FABP7: variants seen among roughly 807,000 people sequenced by gnomAD.
The protein encoded by FABP7 is fatty acid binding protein 7.
FABP7 carries 13 observed loss-of-function variants against 14.2 expected under a neutral mutation model. The ratio of observed to expected loss-of-function variants is 0.91; its 90% CI spans 0.59 to 1.45. FABP7 has a LOEUF of 1.45. Ranked by LOEUF, FABP7 falls within the 40% of genes most tolerant of loss-of-function variation. FABP7 has a pLI of 0.00. For missense variants in FABP7, 149 were observed against 157.6 expected, an observed-to-expected ratio of 0.95 and a Z score of 0.29; for synonymous variants, 49 against 51.4, an observed-to-expected ratio of 0.95 and a Z score of 0.20.
chr6:122,778,131 G>T (rs1263292306), upstream of FABP7, among the ~76,000 whole-genome samples: 2 of 152,160 alleles, frequency 1.3e-5, no homozygotes, highest in Admixed American at 1.3e-4. Context: ...TCTTGGGTTT[G>T]TGTTTTCCCT....
At chr6:122,780,757 A>T (rs894010613) in intron 2 of FABP7, among the ~76,000 whole-genome samples, 2 of 152,172 alleles carry the variant, frequency 1.3e-5, no homozygotes, top group Non-Finnish European at 2.9e-5. Context: ...GAGAGATTGC[A>T]TTTTGTTTAA....
chr6:122,767,257 T>C, the FABP7 span, among the ~76,000 whole-genome samples: 1 of 152,112 alleles, frequency 6.6e-6, no homozygotes, highest in South Asian at 2.1e-4. Context: ...GATAGTACCA[T>C]ATATACATAT....
the FABP7 span, among the ~76,000 whole-genome samples, chr6:122,764,330 T>C: frequency 5.9e-5 from 9 of 151,872 alleles, no homozygotes; most frequent in African/African-American, 2.2e-4. Flanking sequence ...TAGGTGGGAA[T>C]TGAACAATGA....
chr6:122,765,833 AC>A, the FABP7 span, among the ~76,000 whole-genome samples: 1 of 151,742 alleles, frequency 6.6e-6, no homozygotes, highest in Non-Finnish European at 1.5e-5. Flanking sequence ...TGCCAAAGAG[AC>A]TTTTTTTTCT....
chr6:122,781,856 C>G (rs1450465597), intron 3 of FABP7: 1 of 437,552 alleles, frequency 2.3e-6, no homozygotes, highest in Non-Finnish European at 3.0e-6. Context: ...ATTCTACAAC[C>G]TCAGCCTCCT....
chr6:122,751,633 G>A, the FABP7 span, among the ~76,000 whole-genome samples: 1 of 152,134 alleles, frequency 6.6e-6, no homozygotes, highest in African/African-American at 2.4e-5. Context: ...AATGCAAATG[G>A]CACATTCTAT....
the FABP7 span, among the ~76,000 whole-genome samples, chr6:122,765,526 G>A: frequency 4.0e-5 from 6 of 151,720 alleles, no homozygotes; most frequent in East Asian, 1.9e-4. Context: ...GGTAATCTGT[G>A]CCTCTTAGGC....
chr6:122,773,777 A>G, the FABP7 span, among the ~76,000 whole-genome samples: 1 of 152,194 alleles, frequency 6.6e-6, no homozygotes, highest in Non-Finnish European at 1.5e-5. Context: ...TATTTTGTTA[A>G]AAAGGAAAAA....
chr6:122,758,064 A>C, the FABP7 span, among the ~76,000 whole-genome samples: 2 of 151,782 alleles, frequency 1.3e-5, no homozygotes, highest in Non-Finnish European at 2.9e-5. Flanking sequence ...ATTGCAATGC[A>C]ATAAAGCAAA....
At chr6:122,770,151 C>T in the FABP7 span, among the ~76,000 whole-genome samples, 1 of 151,854 alleles carries the variant, frequency 6.6e-6, no homozygotes, top group African/African-American at 2.4e-5. Context: ...CATCTGGAGG[C>T]CCAAATGAAC....
chr6:122,756,752 A>G, the FABP7 span, among the ~76,000 whole-genome samples: 1 of 152,168 alleles, frequency 6.6e-6, no homozygotes, highest in Non-Finnish European at 1.5e-5. Context: ...TGACTACTAC[A>G]TTACCCAGTC....
At chr6:122,777,158 C>T (rs1240575440), upstream of FABP7, among the ~76,000 whole-genome samples, 1 of 152,086 alleles carries the variant, frequency 6.6e-6, no homozygotes, top group Non-Finnish European at 1.5e-5. Flanking sequence ...TCTTAGAATA[C>T]AAAAGGAAAA....
At chr6:122,757,015 G>A in the FABP7 span, among the ~76,000 whole-genome samples, 1 of 152,132 alleles carries the variant, frequency 6.6e-6, no homozygotes, top group Non-Finnish European at 1.5e-5. Flanking sequence ...TCACTCATGG[G>A]AAACTAAGGG....
the FABP7 span, among the ~76,000 whole-genome samples, chr6:122,749,528 TG>T: frequency 2.0e-5 from 3 of 152,194 alleles, no homozygotes; most frequent in Non-Finnish European, 4.4e-5. Context: ...TGCTCCAAAA[TG>T]GAATAACGTG....
In FABP7 at chr6:122,780,393, A is replaced by G; in HGVS notation, c.176A>G (p.Lys59Arg). 6.2e-7 allele frequency: 1 copy of G among 1,614,180 alleles called. No homozygotes were observed. The highest frequency in any genetic ancestry group is 8.5e-7 in the Non-Finnish European group (1 of 1,180,036). Residue 59 changes from lysine to arginine, a missense_variant, in exon 2 of 4, where the codon AAG (lysine) becomes AGG (arginine). By Grantham distance (26) the Lys-to-Arg change is conservative. Coordinates refer to ENST00000368444, the MANE Select transcript of FABP7 (RefSeq NM_001446.5). ...KVVIRTLSTF[K>R]NTEISFQLGE... ...GTCATCAGGACTCTCAGCACATTCA[A>G]GAACACGGAGATTAGTTTCCAGCTG...
chr6:122,760,354 T>A, the FABP7 span, among the ~76,000 whole-genome samples: 3 of 152,218 alleles, frequency 2.0e-5, no homozygotes, highest in Admixed American at 1.3e-4. Flanking sequence ...TCTCATAATA[T>A]AACCATTCCA....
the FABP7 span, among the ~76,000 whole-genome samples, chr6:122,760,382 A>G: frequency 2.6e-5 from 4 of 152,118 alleles, no homozygotes; most frequent in Non-Finnish European, 4.4e-5. Flanking sequence ...TATCATTAGC[A>G]TTTGCATGAT....
the FABP7 span, among the ~76,000 whole-genome samples, chr6:122,773,895 C>A: frequency 0.66 from 100,292 of 150,938 alleles, 35,536 homozygotes; most frequent in Non-Finnish European, 0.81. Flanking sequence ...TTAAAAAAAA[C>A]AAACAAACAG....
the FABP7 span, among the ~76,000 whole-genome samples, chr6:122,749,826 A>C: frequency 6.6e-6 from 1 of 152,222 alleles, no homozygotes; most frequent in Admixed American, 6.5e-5. Context: ...TGTATTATAA[A>C]AGATCATTTC....
Sources: allele counts gnomAD v4.1 joint callset (sites outside exome capture counted in the v4.1 genomes callset), GRCh38; gene constraint gnomAD v4.1.1; transcripts MANE v1.5; gene names NCBI Gene and HGNC (gene_info 2026-07-23, HGNC 2026-07-21).